DHX38: variants seen among roughly 807,000 people sequenced by gnomAD.
The protein encoded by DHX38 is pre-mRNA-splicing factor ATP-dependent RNA helicase PRP16.
A neutral mutation model predicts 153.1 loss-of-function variants in DHX38; 100 were observed. That is an observed-to-expected ratio of 0.65 (90% CI 0.56 to 0.77). DHX38 has a LOEUF of 0.77. Among genes scored for constraint, DHX38 ranks in the 30% least tolerant of loss-of-function variants. DHX38 has a pLI of 0.00. For missense variants in DHX38, 1,440 were observed against 1,654.0 expected (o/e 0.87, Z 2.24); for synonymous variants, 650 against 631.7 (o/e 1.03, Z -0.43).
At chr16:72,111,435 G>A (rs938944592) in intron 26 of DHX38, among the ~76,000 whole-genome samples, 1 of 152,210 alleles carries the variant, frequency 6.6e-6, no homozygotes, top group Non-Finnish European at 1.5e-5. Context: ...AGACTTGACA[G>A]GTCGCAGGCA....
At chr16:72,101,310 T>G (rs1461611917) in intron 10 of DHX38, 117 bp downstream of exon 10, 2 of 1,247,404 alleles carry the variant, frequency 1.6e-6, no homozygotes, top group Non-Finnish European at 2.3e-6. Context: ...ATCAAGTCCT[T>G]AGGCCCGACA....
intron 3 of DHX38, 200 bp downstream of exon 3, chr16:72,097,209 CCTT>C: frequency 1.9e-6 from 1 of 525,464 alleles, no homozygotes; most frequent in South Asian, 3.1e-5. Context: ...TAGCTGCTCT[CCTT>C]GAGTGTGTGG....
At chr16:72,105,959 T>C in intron 18 of DHX38, 46 bp from the exon 19 acceptor site, 1 of 1,575,368 alleles carries the variant, frequency 6.3e-7, no homozygotes, top group Non-Finnish European at 8.7e-7. Context: ...TACTTCCACT[T>C]TCCCCTCACT....
Position 72,105,123 on chromosome 16 carries a change from C to A in DHX38, c.2248C>A (p.Gln750Lys). Residue 750 changes from glutamine (Q) to lysine (K), a missense_variant, in exon 16 of 27, where the codon CAA becomes AAA. This residue lies in a region of DHX38 where 543 missense variants were observed against 717.9 expected (regional missense o/e 0.76). Coordinates refer to ENST00000268482, the MANE Select transcript of DHX38 (RefSeq NM_014003.4). ...PGDILIFMPG[Q>K]EDIEVTSDQI... ...AGACATCCTTATCTTCATGCCTGGC[C>A]AAGAGGACATTGAGGTGCGTGCCTT... 6.2e-7 allele frequency: 1 copy of A among 1,614,178 alleles called. No individual in the cohort carries two copies. Among genetic ancestry groups the A allele is most frequent in the South Asian group, 1.1e-5 (1 of 91,080 alleles).
rs910405486 is a variant in DHX38 at position 72,110,897 on chromosome 16, G to A, written c.3478-59G>A. 14 of 1,519,956 alleles carry A rather than the reference G, an allele frequency of 9.2e-6. No homozygotes were observed. The South Asian group carries it at 1.4e-4, about 15-fold the overall frequency. The allele number at this position is 1,519,956 out of a possible 1,614,324, so 94.2% of individuals were successfully genotyped here. A position where few individuals can be genotyped will look rare whatever the true frequency, so the allele number is the denominator to read the frequency against. ...TTGTGGCAGGGACTTGGGTGCCGACGAGGCCTCCTTCCTTAGTGGTCCCCA... is the reference window on the plus strand; with the variant it reads ...TTGTGGCAGGGACTTGGGTGCCGACAAGGCCTCCTTCCTTAGTGGTCCCCA... On this transcript the variant is annotated intron_variant, in intron 25 of 26. Coordinates refer to ENST00000268482, the MANE Select transcript of DHX38 (RefSeq NM_014003.4).
In DHX38 at chr16:72,097,727, T is replaced by G. The variant is rs776044870; in HGVS notation, c.562T>G (p.Ser188Ala). 2.5e-6 allele frequency: 4 copies of G among 1,614,022 alleles called. No individual in the cohort carries two copies. Among genetic ancestry groups the G allele is most frequent in the Non-Finnish European group, 3.4e-6 (4 of 1,179,978 alleles). Residue 188 changes from serine to alanine, a missense_variant, in exon 4 of 27, where the codon TCA becomes GCA. Physicochemically the swap from Ser to Ala is moderately conservative, Grantham distance 99 (BLOSUM62 1). Coordinates refer to ENST00000268482, the MANE Select transcript of DHX38 (RefSeq NM_014003.4). ...CAGCAGATCAGAGCGAGATGGAGGG[T>G]CAGAGCGTAGCAGCAGAAGAAATGA... Reference protein sequence around the residue: ...HSSRSERDGGSERSSRRNEPE... With the variant: ...HSSRSERDGGAERSSRRNEPE...
intron 1 of DHX38, among the ~76,000 whole-genome samples, chr16:72,095,402 A>G (rs2041997667): frequency 6.6e-6 from 1 of 152,254 alleles, no homozygotes; most frequent in Non-Finnish European, 1.5e-5. Context: ...CCACTAAAGT[A>G]TGGAGAACAT....
At chr16:72,100,793 G>T (rs2042089412) in intron 9 of DHX38, among the ~76,000 whole-genome samples, 196 bp downstream of exon 9, 1 of 152,212 alleles carries the variant, frequency 6.6e-6, no homozygotes, top group African/African-American at 2.4e-5. Flanking sequence ...CGGGTGTGGT[G>T]GCAGGCACCT....
At chr16:72,108,633 C>T (rs1223856813) in intron 23 of DHX38, 26 bp downstream of exon 23, 1 of 1,609,514 alleles carries the variant, frequency 6.2e-7, no homozygotes, top group Non-Finnish European at 8.5e-7. Flanking sequence ...CAGTGAGCCC[C>T]TCCCAGCCTG....
chr16:72,100,361 TG>T, intron 8 of DHX38, 74 bp from the exon 9 acceptor site: 5 of 1,537,142 alleles, frequency 3.3e-6, no homozygotes, highest in Non-Finnish European at 4.4e-6. Context: ...ACTTGATGTG[TG>T]GACTTACCTC....
At position 72,100,327 on chromosome 16, in the gene DHX38, A is replaced by G. The variant is rs2042083053; in HGVS notation, c.1117-109A>G. On this transcript the variant is annotated intron_variant, in intron 8 of 26. Transcript: ENST00000268482. ...GGGTAGAGGCCTGTGACATCTTTGC[A>G]GCTACCAGTGGCCTTCTGTCAGGAC... 7 of 1,417,698 alleles carry G rather than the reference A, an allele frequency of 4.9e-6. No individual in the cohort carries two copies. In the East Asian group the frequency reaches 1.8e-4, roughly 36 times the overall value. 87.8% of individuals were successfully genotyped at this position (1,417,698 alleles called of 1,614,324 possible).
In DHX38 at chr16:72,099,007, G is replaced by A. The variant is rs769585747; in HGVS notation, c.845G>A (p.Arg282Lys). ...TATAACGAGTGGGCCGATGACAGAAGACACTTGGGGTCCACCCCGCGTCTG... is the reference window on the plus strand; with the variant it reads ...TATAACGAGTGGGCCGATGACAGAAAACACTTGGGGTCCACCCCGCGTCTG... ...YKYNEWADDR[R>K]HLGSTPRLSR... Residue 282 changes from arginine (R) to lysine (K), a missense_variant, in exon 6 of 27, where the codon AGA (arginine) becomes AAA (lysine). Transcript: ENST00000268482. The A allele has an allele frequency of 6.2e-7, 1 of 1,613,222 alleles. No homozygotes were observed. Among genetic ancestry groups the A allele is most frequent in the Non-Finnish European group, 8.5e-7 (1 of 1,180,044 alleles).
chr16:72,098,670 C>T lies in DHX38; in HGVS notation c.642C>T (p.Thr214=). 1 of 1,614,164 alleles carries T rather than the reference C, an allele frequency of 6.2e-7. No individual in the cohort carries two copies. ...PKDAATPSRS[T]WEEEDSGYGS... ...ATGCAGCCACCCCTTCAAGGTCTAC[C>T]TGGGAGGAAGAGGACAGTGGCTATG... The change falls in exon 5 of 27, where the codon ACC becomes ACT. Residue 214 remains threonine (T), a synonymous_variant. Coordinates refer to ENST00000268482, the MANE Select transcript of DHX38 (RefSeq NM_014003.4).
In DHX38 at chr16:72,108,945, C is replaced by T; in HGVS notation, c.3381+20C>T. 6.3e-7 allele frequency: 1 copy of T among 1,584,698 alleles called. No homozygotes were observed. Among genetic ancestry groups the T allele is most frequent in the Non-Finnish European group, 8.6e-7 (1 of 1,163,896 alleles). On this transcript the variant is annotated intron_variant, in intron 24 of 26. Transcript: ENST00000268482. ...ACCAAGGTGAGTCTTTTCCAAGGCA[C>T]TTGCATAATGCAGGCCCCCTGTCTG...
Position 72,112,752 on chromosome 16 carries a change from C to T in DHX38, c.*255C>T, listed in dbSNP as rs1292307321. 1.4e-6 allele frequency: 1 copy of T among 703,150 alleles called. No individual in the cohort carries two copies. The highest frequency in any genetic ancestry group is 1.5e-5 in the South Asian group (1 of 67,592). The allele number at this position is 703,150 out of a possible 1,614,324, so 43.6% of individuals were successfully genotyped here. On this transcript the variant is annotated 3_prime_UTR_variant, in exon 27 of 27. Coordinates refer to ENST00000268482, the MANE Select transcript of DHX38 (RefSeq NM_014003.4). ...CCGGGGCAGCGGGAGGTGGCTGGACCCATCGCATCTAAAACTGGCCCAGGA... is the reference window on the plus strand; with the variant it reads ...CCGGGGCAGCGGGAGGTGGCTGGACTCATCGCATCTAAAACTGGCCCAGGA...
chr16:72,107,777 CA>C lies in DHX38; in HGVS notation c.2943del (p.Ala982ProfsTer28). On this transcript the variant is annotated frameshift_variant, in exon 21 of 27. Coordinates refer to ENST00000268482, the MANE Select transcript of DHX38 (RefSeq NM_014003.4). LOFTEE classifies it high-confidence loss of function. The surrounding 1 kb of genome is among the most constrained non-coding windows in gnomAD (Gnocchi z 5.3). The part of the protein sequence containing the change: ...ILLIVSMLSV[P>X]AIFYRPKGRE... ...CTCATCGTTTCCATGCTCTCGGTCC[CA>C]GCCATCTTCTACAGGCCCAAGGTGG... is the stretch of plus-strand genomic sequence containing the variant. 6.2e-7 allele frequency: 1 copy of C among 1,613,900 alleles called. No individual in the cohort carries two copies. The highest frequency in any genetic ancestry group is 8.5e-7 in the Non-Finnish European group (1 of 1,180,022).
At chr16:72,112,249 A>G (rs1050134358) in intron 26 of DHX38, 164 bp from the exon 27 acceptor site, 1 of 644,906 alleles carries the variant, frequency 1.6e-6, no homozygotes, top group East Asian at 2.7e-5. Context: ...CCAGTCGAAC[A>G]TGGGGACGGC....
Position 72,105,576 on chromosome 16 carries a change from T to G in DHX38, c.2439T>G (p.Thr813=). 1 of 1,614,230 alleles carries G rather than the reference T, an allele frequency of 6.2e-7. No homozygotes were observed. Among genetic ancestry groups the G allele is most frequent in the African/African-American group, 1.3e-5 (1 of 75,064 alleles). Residue 813 remains threonine, a synonymous_variant, in exon 18 of 27, where the codon ACT becomes ACG. Coordinates refer to ENST00000268482, the MANE Select transcript of DHX38 (RefSeq NM_014003.4). ...VATNIAETSL[T]VDGIMFVIDS... Reference sequence around the variant, plus strand: ...CCAATATTGCCGAGACGTCTCTCACTGTTGACGGCATCATGTTTGTTATCG... The same window carrying G: ...CCAATATTGCCGAGACGTCTCTCACGGTTGACGGCATCATGTTTGTTATCG...
In DHX38 at chr16:72,105,149, G is replaced by A. The variant is rs2042156492; in HGVS notation, c.2262+12G>A. 6.2e-7 allele frequency: 1 copy of A among 1,614,086 alleles called. No individual in the cohort carries two copies. Among genetic ancestry groups the A allele is most frequent in the Non-Finnish European group, 8.5e-7 (1 of 1,179,922 alleles). ...AAGAGGACATTGAGGTGCGTGCCTTGGTCACGACTGTGATGAGCGGGTGTG... is the reference window on the plus strand; with the variant it reads ...AAGAGGACATTGAGGTGCGTGCCTTAGTCACGACTGTGATGAGCGGGTGTG... On this transcript the variant is annotated intron_variant, in intron 16 of 26. Coordinates refer to ENST00000268482, the MANE Select transcript of DHX38 (RefSeq NM_014003.4).
Sources: gnomAD v4.1 joint callset for allele counts (sites outside exome capture counted in the v4.1 genomes callset) on GRCh38, gnomAD v4.1.1 for gene constraint, gnomAD v4.1.1 regional missense constraint, Gnocchi (gnomAD v3.1) non-coding constraint, MANE v1.5 for transcripts, NCBI Gene and HGNC (gene_info 2026-07-23, HGNC 2026-07-21) for gene names.